SLC9B1: variants seen among roughly 807,000 people sequenced by gnomAD.
SLC9B1 encodes the protein sodium/hydrogen exchanger 9B1.
In SLC9B1, 32 loss-of-function variants were observed where a neutral mutation model predicts 51.7. The ratio of observed to expected loss-of-function variants is 0.62; its 90% CI spans 0.47 to 0.83. The LOEUF (loss-of-function observed/expected upper bound fraction) is 0.83, where lower values mean the gene tolerates loss of function less well. Among genes scored for constraint, SLC9B1 ranks in the 40% least tolerant of loss-of-function variants. The pLI, the probability that SLC9B1 is intolerant of heterozygous loss-of-function variation, is 0.00. For synonymous variants in SLC9B1, 145 were observed against 212.7 expected (o/e 0.68, Z 2.77); for missense variants, 406 against 613.2 (o/e 0.66, Z 3.57).
chr4:102,947,001 C>T (rs1370774662), intron 4 of SLC9B1, among the ~76,000 whole-genome samples: 1 of 152,112 alleles, frequency 6.6e-6, no homozygotes, highest in African/African-American at 2.4e-5. Flanking sequence ...GTTGCTGGAA[C>T]ATACAGGGCA....
At chr4:102,898,990 C>G (rs191137265), downstream of SLC9B1, among the ~76,000 whole-genome samples, 1,179 of 152,252 alleles carry the variant, frequency 7.7e-3, 68 homozygotes, top group Admixed American at 0.072. Context: ...ATCCACCCGC[C>G]TTGGCCTCCC....
intron 3 of SLC9B1, among the ~76,000 whole-genome samples, chr4:102,984,781 G>C (rs1739529569): frequency 6.6e-6 from 1 of 152,166 alleles, no homozygotes; most frequent in South Asian, 2.1e-4. Flanking sequence ...ATTTCGGATA[G>C]ACAGGTGTTA....
At chr4:102,933,118 T>C (rs181124415) in intron 6 of SLC9B1, among the ~76,000 whole-genome samples, 3 of 152,336 alleles carry the variant, frequency 2.0e-5, no homozygotes, top group African/African-American at 7.2e-5. Context: ...TTGGTGCTCC[T>C]GCCAGAATTG....
rs6842058 is a variant in SLC9B1, at chr4:102,960,575, T to G, written c.212-11148A>C. Among the ~76,000 whole-genome samples, 935 of 152,238 alleles carry G rather than the reference T, an allele frequency of 6.1e-3. 9 individuals are homozygous for G. The highest frequency in any genetic ancestry group is 0.019 in the Admixed American group (283 of 15,296). On this transcript the variant is annotated intron_variant, in intron 3 of 11. Coordinates refer to ENST00000296422, the MANE Select transcript of SLC9B1 (RefSeq NM_139173.4). ...GTTATTTTTAGCTCATATGGTTTTT[T>G]GATAAGTAAAAATTTAAAAAAAGTT...
downstream of SLC9B1, chr4:102,897,871 T>A (rs1255360331): frequency 5.4e-6 from 2 of 369,528 alleles, no homozygotes; most frequent in African/African-American, 4.3e-5. Flanking sequence ...TTTCACAGTA[T>A]AAATATGCTA....
chr4:102,905,985 G>C (rs1578334493), intron 10 of SLC9B1, among the ~76,000 whole-genome samples: 1 of 152,004 alleles, frequency 6.6e-6, no homozygotes, highest in East Asian at 1.9e-4. Flanking sequence ...ACCCAGGCTG[G>C]AGTGCAGTGG....
intron 1 of SLC9B1, among the ~76,000 whole-genome samples, chr4:102,994,619 G>A (rs1331639341): frequency 1.3e-5 from 2 of 151,988 alleles, no homozygotes; most frequent in East Asian, 1.9e-4. Context: ...CCTTTTTCAC[G>A]CTACTACAAA....
chr4:102,902,550 A>G (rs1162342134), intron 11 of SLC9B1, among the ~76,000 whole-genome samples: 1 of 151,996 alleles, frequency 6.6e-6, no homozygotes, highest in Non-Finnish European at 1.5e-5. Flanking sequence ...CAAAAACCAA[A>G]CCCATTGACT....
At chr4:102,966,987 A>G (rs968020591) in intron 3 of SLC9B1, among the ~76,000 whole-genome samples, 14 of 152,300 alleles carry the variant, frequency 9.2e-5, no homozygotes, top group African/African-American at 3.4e-4. Context: ...GCCTTCCACA[A>G]AACCTTAGGG....
At chr4:102,949,590 T>A (rs1295142299) in intron 3 of SLC9B1, among the ~76,000 whole-genome samples, 163 bp from the exon 4 acceptor site, 2 of 152,242 alleles carry the variant, frequency 1.3e-5, no homozygotes, top group Non-Finnish European at 2.9e-5. Flanking sequence ...GATATCTGCT[T>A]AACATATATT....
In SLC9B1 at chr4:102,976,120, T is replaced by G. The variant is rs536866857; in HGVS notation, c.211+13680A>C. Among the ~76,000 whole-genome samples, 2 of 152,082 alleles carry G rather than the reference T, an allele frequency of 1.3e-5. 1 individual carries two copies. Among genetic ancestry groups the G allele is most frequent in the South Asian group, 4.1e-4 (2 of 4,826 alleles). On this transcript the variant is annotated intron_variant, in intron 3 of 11. Coordinates refer to ENST00000296422, the MANE Select transcript of SLC9B1 (RefSeq NM_139173.4). Reference sequence around the variant, plus strand: ...AAAGACAAGTGTTTCAATAAGAGAGTGATCATTGGTGTCAAAAGCTGGAAA... The same window carrying G: ...AAAGACAAGTGTTTCAATAAGAGAGGGATCATTGGTGTCAAAAGCTGGAAA...
chr4:102,945,474 A>G (rs866691715), intron 5 of SLC9B1, among the ~76,000 whole-genome samples, 154 bp from the exon 6 acceptor site: 14 of 152,166 alleles, frequency 9.2e-5, no homozygotes, highest in Admixed American at 5.9e-4. Flanking sequence ...TTTGAACTCT[A>G]TTACATTTTA....
intron 3 of SLC9B1, among the ~76,000 whole-genome samples, chr4:102,950,892 G>A (rs562956864): frequency 5.3e-5 from 8 of 152,340 alleles, no homozygotes; most frequent in African/African-American, 1.9e-4. Context: ...CTACTTGGGA[G>A]GCTGAGGTAG....
chr4:102,961,066 G>T (rs1207108987), intron 3 of SLC9B1, among the ~76,000 whole-genome samples: 7 of 151,778 alleles, frequency 4.6e-5, no homozygotes, highest in Non-Finnish European at 8.8e-5. Flanking sequence ...ATCAAAATTG[G>T]TATTTCTCTA....
chr4:102,913,511 G>C (rs1330780700), intron 7 of SLC9B1, among the ~76,000 whole-genome samples: 1 of 152,040 alleles, frequency 6.6e-6, no homozygotes, highest in Non-Finnish European at 1.5e-5. Context: ...AAAACTGGGA[G>C]CAGTGGCAGT....
At chr4:102,994,195 T>A (rs1469153949) in intron 1 of SLC9B1, among the ~76,000 whole-genome samples, 1 of 152,176 alleles carries the variant, frequency 6.6e-6, no homozygotes, top group African/African-American at 2.4e-5. Context: ...TTTTCCAAAC[T>A]TCTATGCTCT....
At chr4:102,999,819 T>C (rs1740426494) in intron 1 of SLC9B1, among the ~76,000 whole-genome samples, 1 of 152,198 alleles carries the variant, frequency 6.6e-6, no homozygotes, top group Non-Finnish European at 1.5e-5. Context: ...ATATCAGGCA[T>C]TGTATTATTC....
chr4:102,940,131 A>G (rs1341479844), intron 6 of SLC9B1, among the ~76,000 whole-genome samples: 1 of 152,228 alleles, frequency 6.6e-6, no homozygotes, highest in Admixed American at 6.5e-5. Flanking sequence ...GAGCTCCCAG[A>G]TCTGACAAAT....
intron 2 of SLC9B1, 58 bp from the exon 3 acceptor site, chr4:102,989,999 G>T: frequency 7.2e-7 from 1 of 1,380,400 alleles, no homozygotes; most frequent in Non-Finnish European, 9.9e-7. Context: ...TTTTATGAAT[G>T]AAATAAACCA....
Sources: gnomAD v4.1 joint callset for allele counts (sites outside exome capture counted in the v4.1 genomes callset) on GRCh38, gnomAD v4.1.1 for gene constraint, MANE v1.5 for transcripts, NCBI Gene and HGNC (gene_info 2026-07-23, HGNC 2026-07-21) for gene names.